Variants in MACROD2 observed in about 807,000 individuals in gnomAD.
The protein encoded by MACROD2 is mono-ADP ribosylhydrolase 2.
A neutral mutation model predicts 70.4 loss-of-function variants in MACROD2; 36 were observed. That is an observed-to-expected ratio of 0.51 (90% CI 0.39 to 0.68). The LOEUF is 0.68. Among genes scored for constraint, MACROD2 ranks in the 30% least tolerant of loss-of-function variants. The pLI is 0.00. For synonymous variants in MACROD2, 172 were observed against 178.8 expected (o/e 0.96, Z 0.30); for missense variants, 496 against 538.4 (o/e 0.92, Z 0.78).
chr20:15,997,674 C>G (rs1181188022), intron 15 of MACROD2, among the ~76,000 whole-genome samples: 4 of 152,022 alleles, frequency 2.6e-5, no homozygotes, highest in Non-Finnish European at 5.9e-5. Flanking sequence ...ATTTGAATGG[C>G]TTTTATTTCT....
intron 13 of MACROD2, among the ~76,000 whole-genome samples, chr20:15,968,421 C>A (rs1290089069): frequency 1.3e-5 from 2 of 151,936 alleles, no homozygotes; most frequent in Non-Finnish European, 2.9e-5. Context: ...ACCCAGGTAC[C>A]CTTTCTGAAT....
intron 3 of MACROD2, chr20:14,127,473 A>T (rs1438472078): frequency 6.0e-6 from 3 of 502,524 alleles, no homozygotes; most frequent in Non-Finnish European, 1.1e-5. Flanking sequence ...GAGCAGAAGG[A>T]GGCAGAGGTG....
intron 5 of MACROD2, among the ~76,000 whole-genome samples, chr20:14,786,945 A>T (rs2072381991): frequency 6.6e-6 from 1 of 152,086 alleles, no homozygotes; most frequent in Non-Finnish European, 1.5e-5. Context: ...GATCCTCAGA[A>T]CAGCCACCAC....
intron 5 of MACROD2, among the ~76,000 whole-genome samples, chr20:14,815,326 A>C (rs190883367): frequency 1.1e-4 from 16 of 152,090 alleles, no homozygotes; most frequent in Non-Finnish European, 2.2e-4. Flanking sequence ...GGAAAGAAAA[A>C]AGTTATCTTA....
intron 8 of MACROD2, among the ~76,000 whole-genome samples, chr20:15,773,835 C>T (rs1044169123): frequency 1.3e-5 from 2 of 152,120 alleles, no homozygotes; most frequent in South Asian, 2.1e-4. Context: ...CCACTGATCT[C>T]GAAGAAAAGT....
Position 14,938,152 on chromosome 20 carries a change from G to A in MACROD2, c.418+253193G>A, listed in dbSNP as rs551005540. On this transcript the variant is annotated intron_variant, in intron 5 of 17. Coordinates refer to ENST00000684519, the MANE Select transcript of MACROD2 (RefSeq NM_001351661.2). ...TCTTGTGAATACTGCTGCAATGAACGTGGGAGTGCAGATACCTCTTTATTT... is the reference window on the plus strand; with the variant it reads ...TCTTGTGAATACTGCTGCAATGAACATGGGAGTGCAGATACCTCTTTATTT... Among the ~76,000 whole-genome samples the A allele has an allele frequency of 1.8e-4, 27 of 152,084 alleles. 1 individual carries two copies. The highest frequency in any genetic ancestry group is 6.8e-3 in the Middle Eastern group (2 of 294).
In MACROD2 at chr20:14,085,717, T is replaced by C; in HGVS notation, c.260T>C (p.Ile87Thr). Reference protein sequence around the residue: ...GDITLLEVDAIVNAANASLLG... With the variant: ...GDITLLEVDATVNAANASLLG... ...ATCACATTGCTAGAGGTAGATGCTA[T>C]AGTCAATGCCGGTGAGTAGTTGATT... Residue 87 changes from isoleucine to threonine, a missense_variant, in exon 3 of 18, where the codon ATA (isoleucine) becomes ACA (threonine). By Grantham distance (89) the Ile-to-Thr change is moderately conservative (BLOSUM62 -1). Coordinates refer to ENST00000684519, the MANE Select transcript of MACROD2 (RefSeq NM_001351661.2). 1 of 1,532,232 alleles carries C rather than the reference T, an allele frequency of 6.5e-7. No homozygotes were observed. Among genetic ancestry groups the C allele is most frequent in the Non-Finnish European group, 8.8e-7 (1 of 1,139,376 alleles). The allele number at this position is 1,532,232 out of a possible 1,614,324, so 94.9% of individuals were successfully genotyped here. A position where few individuals can be genotyped will look rare whatever the true frequency, so the allele number is the denominator to read the frequency against.
chr20:14,406,259 T>C (rs1052276187), intron 3 of MACROD2, among the ~76,000 whole-genome samples: 1 of 152,174 alleles, frequency 6.6e-6, no homozygotes, highest in Non-Finnish European at 1.5e-5. Flanking sequence ...GTAAAAGTTC[T>C]GTAGGTTTCT....
intron 7 of MACROD2, among the ~76,000 whole-genome samples, chr20:15,446,736 T>C (rs1269376124): frequency 6.6e-6 from 1 of 152,222 alleles, no homozygotes; most frequent in Non-Finnish European, 1.5e-5. Context: ...GGCGCTGCCG[T>C]AGGGAAAGGT....
intron 6 of MACROD2, among the ~76,000 whole-genome samples, chr20:15,295,595 TCACACACA>T (rs3223712): frequency 0.03 from 4,456 of 148,028 alleles, 85 homozygotes; most frequent in Middle Eastern, 0.094. Context: ...ATGTCTGTCA[TCACACACA>T]CACACACACA....
intron 7 of MACROD2, among the ~76,000 whole-genome samples, chr20:15,443,117 T>C (rs531069058): frequency 6.6e-6 from 1 of 152,260 alleles, no homozygotes; most frequent in African/African-American, 2.4e-5. Flanking sequence ...TCTGGCCCAT[T>C]TCCATAGAAA....
intron 8 of MACROD2, among the ~76,000 whole-genome samples, chr20:15,567,274 A>G (rs904982047): frequency 6.6e-6 from 1 of 152,134 alleles, no homozygotes; most frequent in Admixed American, 6.5e-5. Flanking sequence ...GTTCTCTTTC[A>G]TTCATGAAGG....
intron 6 of MACROD2, among the ~76,000 whole-genome samples, chr20:15,356,770 C>T (rs571254340): frequency 2.6e-5 from 4 of 152,084 alleles, no homozygotes; most frequent in East Asian, 1.9e-4. Flanking sequence ...GGCCAAAAAG[C>T]GAGACTATCT....
chr20:15,171,563 AAACTT>A (rs2076422632), intron 5 of MACROD2, among the ~76,000 whole-genome samples: 1 of 151,962 alleles, frequency 6.6e-6, no homozygotes, highest in Non-Finnish European at 1.5e-5. Context: ...TGATCTGCAA[AAACTT>A]AACTTGTACT....
chr20:16,029,680 T>TAAC (rs1185208181), intron 15 of MACROD2, among the ~76,000 whole-genome samples: 1 of 152,058 alleles, frequency 6.6e-6, no homozygotes, highest in East Asian at 1.9e-4. Flanking sequence ...TTTACCTCCC[T>TAAC]AACTAGGAGA....
At position 15,940,342 on chromosome 20, in the gene MACROD2, C is replaced by T. The variant is rs146332685; in HGVS notation, c.907+2798C>T. On this transcript the variant is annotated intron_variant, in intron 12 of 17. Transcript: ENST00000684519. The stretch of plus-strand genomic sequence containing the variant: ...AAATCCTGACCTCAGGTGATCCACC[C>T]GCCTTGGCCTCCCAAAGTGCTGGGA... Among the ~76,000 whole-genome samples the T allele has an allele frequency of 4.7e-3, 712 of 152,134 alleles. 1 individual carries two copies. The highest frequency in any genetic ancestry group is 0.017 in the Middle Eastern group (5 of 292).
intron 8 of MACROD2, among the ~76,000 whole-genome samples, chr20:15,539,583 T>C (rs188882758): frequency 6.6e-6 from 1 of 152,338 alleles, no homozygotes; most frequent in East Asian, 1.9e-4. Context: ...ACTGGTTGAT[T>C]GGTTAAACTG....
At chr20:14,019,678 G>T (rs1290251329) in intron 2 of MACROD2, among the ~76,000 whole-genome samples, 1 of 152,084 alleles carries the variant, frequency 6.6e-6, no homozygotes, top group Admixed American at 6.5e-5. Context: ...GTCCTCATGT[G>T]CTGAGTCTGC....
intron 3 of MACROD2, chr20:14,337,341 TAG>T (rs2082956785): frequency 9.5e-6 from 3 of 316,574 alleles, no homozygotes; most frequent in South Asian, 1.6e-4. Context: ...CGTTTCTTTC[TAG>T]AGAGTAAAAC....
Sources: gnomAD v4.1 joint callset for allele counts (sites outside exome capture counted in the v4.1 genomes callset) on GRCh38, gnomAD v4.1.1 for gene constraint, MANE v1.5 for transcripts, NCBI Gene and HGNC (gene_info 2026-07-23, HGNC 2026-07-21) for gene names.